Variants in ADAM12 observed in about 807,000 individuals in gnomAD.
The protein encoded by ADAM12 is ADAM metallopeptidase domain 12.
In ADAM12, 70 loss-of-function variants were observed where a neutral mutation model predicts 106.4. The observed-to-expected ratio is 0.66, with a 90% CI of 0.54 to 0.80. ADAM12 has a LOEUF of 0.80. Ranked by LOEUF, ADAM12 falls within the 30% of genes least tolerant of loss-of-function variation. The pLI, the probability that ADAM12 is intolerant of heterozygous loss-of-function variation, is 0.00. For missense variants in ADAM12, 1,010 were observed against 1,171.9 expected (o/e 0.86, Z 2.02); for synonymous variants, 420 against 433.5 (o/e 0.97, Z 0.39).
chr10:126,370,093 C>T (rs756673950), intron 1 of ADAM12, among the ~76,000 whole-genome samples: 3 of 152,164 alleles, frequency 2.0e-5, no homozygotes, highest in Non-Finnish European at 4.4e-5. Context: ...TGAATTCTGC[C>T]ATGTTTCTGT....
chr10:126,256,982 C>T (rs1958905423), intron 3 of ADAM12, among the ~76,000 whole-genome samples: 1 of 152,032 alleles, frequency 6.6e-6, no homozygotes, highest in Non-Finnish European at 1.5e-5. Context: ...TCATATTTTG[C>T]AGAGCATTTG....
At position 126,366,234 on chromosome 10, in the gene ADAM12, C is replaced by T. The variant is rs145999298; in HGVS notation, c.88+21824G>A. Among the ~76,000 whole-genome samples, 165 of 152,154 alleles carry T rather than the reference C, an allele frequency of 1.1e-3. 5 individuals are homozygous for T. The East Asian group carries it at 0.028, about 26-fold the overall frequency. ...TCTGAAAAGAGAATGGATTCCTATC[C>T]TCACCTTTTGTGTAAAAATGACAGA... On this transcript the variant is annotated intron_variant, in intron 1 of 22. Coordinates refer to ENST00000448723, the MANE Select transcript of ADAM12 (RefSeq NM_001288973.2).
intron 1 of ADAM12, among the ~76,000 whole-genome samples, chr10:126,340,720 GTTT>G (rs34179311): frequency 7.2e-6 from 1 of 138,838 alleles, no homozygotes; most frequent in Non-Finnish European, 1.6e-5. Context: ...CTCGTGGCCT[GTTT>G]TTTTTTTTTT....
intron 3 of ADAM12, among the ~76,000 whole-genome samples, chr10:126,223,105 T>C (rs1364523951): frequency 1.3e-5 from 2 of 152,234 alleles, no homozygotes; most frequent in Non-Finnish European, 2.9e-5. Context: ...CTATCGTTTT[T>C]CCTATCAATT....
At chr10:126,311,709 G>A (rs1337108691) in intron 2 of ADAM12, among the ~76,000 whole-genome samples, 1 of 152,100 alleles carries the variant, frequency 6.6e-6, no homozygotes, top group African/African-American at 2.4e-5. Flanking sequence ...GTTTCAGAGT[G>A]GTGAACACAT....
chr10:126,042,240 C>T (rs1401422498), intron 18 of ADAM12: 1 of 1,612,892 alleles, frequency 6.2e-7, no homozygotes, highest in Admixed American at 1.7e-5. Flanking sequence ...TTGCTTCTTT[C>T]CCTCGAAAAG....
chr10:126,128,702 G>A (rs998977241), intron 5 of ADAM12, among the ~76,000 whole-genome samples: 6 of 150,858 alleles, frequency 4.0e-5, no homozygotes, highest in African/African-American at 1.2e-4. Flanking sequence ...GTGTGGGAAT[G>A]TGTGCAAGTG....
intron 3 of ADAM12, among the ~76,000 whole-genome samples, chr10:126,251,963 G>T (rs952238468): frequency 4.7e-5 from 7 of 149,708 alleles, no homozygotes; most frequent in Non-Finnish European, 8.9e-5. Context: ...GGATAGAATG[G>T]ATAGATGGTT....
intron 3 of ADAM12, among the ~76,000 whole-genome samples, chr10:126,170,181 A>G (rs1387912450): frequency 6.6e-6 from 1 of 152,166 alleles, no homozygotes; most frequent in African/African-American, 2.4e-5. Context: ...ATTGACCTAC[A>G]TTGAACCAAA....
At chr10:126,290,846 G>T (rs1960117240) in intron 2 of ADAM12, among the ~76,000 whole-genome samples, 2 of 152,204 alleles carry the variant, frequency 1.3e-5, no homozygotes, top group South Asian at 4.1e-4. Context: ...CGTACTATGT[G>T]TACGACCAAT....
At chr10:126,330,295 G>T in intron 2 of ADAM12, 117 bp downstream of exon 2, 1 of 868,698 alleles carries the variant, frequency 1.2e-6, no homozygotes, top group Non-Finnish European at 1.8e-6. Flanking sequence ...CATTCTCTAA[G>T]GATAGAGTTA....
chr10:126,126,805 T>C (rs1309108762), intron 5 of ADAM12, among the ~76,000 whole-genome samples: 1 of 151,766 alleles, frequency 6.6e-6, no homozygotes, highest in African/African-American at 2.4e-5. Flanking sequence ...AGGGCCTGGG[T>C]GGATACAATA....
chr10:126,362,379 G>T (rs958233652), intron 1 of ADAM12, among the ~76,000 whole-genome samples: 2 of 151,930 alleles, frequency 1.3e-5, no homozygotes, highest in African/African-American at 4.8e-5. Context: ...ACTCTATAGA[G>T]GTTCCTCAAA....
At chr10:126,028,639 T>C (rs1451047518) in intron 21 of ADAM12, among the ~76,000 whole-genome samples, 1 of 152,126 alleles carries the variant, frequency 6.6e-6, no homozygotes, top group Admixed American at 6.6e-5. Context: ...CCTTACACCA[T>C]ATACAAAAAT....
At chr10:126,081,012 G>GCT (rs1310421531) in intron 11 of ADAM12, among the ~76,000 whole-genome samples, 1 of 152,172 alleles carries the variant, frequency 6.6e-6, no homozygotes, top group Admixed American at 6.5e-5. Context: ...ACTTGCAAAA[G>GCT]CTCTCTGGGT....
At chr10:126,128,231 G>GC (rs1956238073) in intron 5 of ADAM12, among the ~76,000 whole-genome samples, 2 of 152,136 alleles carry the variant, frequency 1.3e-5, no homozygotes, top group South Asian at 4.2e-4. Context: ...TTCAGGAGAG[G>GC]CCCCGGTCTG....
chr10:126,227,399 A>G (rs920776467), intron 3 of ADAM12, among the ~76,000 whole-genome samples: 5 of 152,116 alleles, frequency 3.3e-5, no homozygotes, highest in Admixed American at 3.3e-4. Flanking sequence ...TCTCTTCATC[A>G]TCAACTTCAC....
intron 14 of ADAM12, among the ~76,000 whole-genome samples, chr10:126,051,162 A>G (rs1265983459): frequency 6.6e-6 from 1 of 152,238 alleles, no homozygotes. Flanking sequence ...TGGAACCTGC[A>G]CTTTGTGCTT....
chr10:126,047,367 C>G (rs1954355387), intron 16 of ADAM12, among the ~76,000 whole-genome samples: 1 of 151,982 alleles, frequency 6.6e-6, no homozygotes, highest in South Asian at 2.1e-4. Flanking sequence ...GAATCCTGGC[C>G]AAGGGGATGG....
Sources: allele counts gnomAD v4.1 joint callset (sites outside exome capture counted in the v4.1 genomes callset), GRCh38; gene constraint gnomAD v4.1.1; transcripts MANE v1.5; gene names NCBI Gene and HGNC (gene_info 2026-07-23, HGNC 2026-07-21).